STYXL1: variants seen among roughly 807,000 people sequenced by gnomAD.
The protein encoded by STYXL1 is serine/threonine/tyrosine-interacting-like protein 1.
STYXL1 carries 32 observed loss-of-function variants against 36.4 expected under a neutral mutation model. The observed-to-expected ratio is 0.88, with a 90% CI of 0.66 to 1.18. STYXL1 has a LOEUF of 1.18. STYXL1 is among the 50% of genes most tolerant of loss of function. The probability of loss-of-function intolerance (pLI) is 0.00; values close to 1 mark genes in which losing one functional copy is unlikely to be tolerated. For synonymous variants in STYXL1, 133 were observed against 144.1 expected (o/e 0.92, Z 0.55); for missense variants, 354 against 394.1 (o/e 0.90, Z 0.86).
intron 4 of STYXL1, among the ~76,000 whole-genome samples, chr7:76,016,091 T>C (rs1793271064): frequency 6.6e-6 from 1 of 152,110 alleles, no homozygotes; most frequent in Admixed American, 6.6e-5. Context: ...TAGATACACA[T>C]GTATCTACAT....
chr7:76,047,136 C>T (rs1797230726), intron 1 of STYXL1, among the ~76,000 whole-genome samples: 1 of 151,890 alleles, frequency 6.6e-6, no homozygotes, highest in South Asian at 2.1e-4. Context: ...TGTAGTGGTG[C>T]GCTAATCCCA....
chr7:76,009,656 G>GC (rs1419626703), intron 5 of STYXL1, among the ~76,000 whole-genome samples: 8 of 152,160 alleles, frequency 5.3e-5, no homozygotes, highest in Non-Finnish European at 1.2e-4. Flanking sequence ...TGATCCGCCC[G>GC]CCTTGGCCTC....
chr7:76,046,831 A>G (rs1797169237), intron 1 of STYXL1, among the ~76,000 whole-genome samples: 1 of 150,502 alleles, frequency 6.6e-6, no homozygotes, highest in Non-Finnish European at 1.5e-5. Context: ...TTGTATTTTT[A>G]GTAGAGATGG....
chr7:76,022,684 A>T (rs1424978936), intron 3 of STYXL1, among the ~76,000 whole-genome samples: 2 of 152,094 alleles, frequency 1.3e-5, no homozygotes, highest in Admixed American at 6.6e-5. Context: ...ACAACAAGAC[A>T]AAAAACACCC....
intron 4 of STYXL1, among the ~76,000 whole-genome samples, chr7:76,018,143 A>G (rs1445830190): frequency 1.3e-5 from 2 of 151,992 alleles, no homozygotes; most frequent in Non-Finnish European, 2.9e-5. Context: ...CTGGGACTAC[A>G]GGTGTGAGCG....
At chr7:76,031,496 C>T (rs1795334605) in intron 1 of STYXL1, among the ~76,000 whole-genome samples, 1 of 151,872 alleles carries the variant, frequency 6.6e-6, no homozygotes, top group African/African-American at 2.4e-5. Flanking sequence ...AGGTGGATCA[C>T]CTGAGGTCAG....
In STYXL1 at chr7:76,029,971, G is replaced by GTTCCTAACA. The variant is rs1795142277; in HGVS notation, c.103+449_103+450insTGTTAGGAA. On this transcript the variant is annotated intron_variant, in intron 2 of 8. Coordinates refer to ENST00000359697, the MANE Select transcript of STYXL1 (RefSeq NM_001317785.2). ...CCTAACAGACCACAGACTGGTACTG[G>GTTCCTAACA]GGGTTGGGGGTTGCGGACTTCTTTT... 5.3e-5 allele frequency among the ~76,000 whole-genome samples: 8 copies of GTTCCTAACA among 152,094 alleles called. No individual in the cohort carries two copies. In the South Asian group the frequency reaches 1.7e-3, roughly 32 times the overall value.
chr7:76,042,916 C>T (rs767112821), intron 1 of STYXL1, among the ~76,000 whole-genome samples: 53 of 152,156 alleles, frequency 3.5e-4, no homozygotes, highest in Non-Finnish European at 3.4e-4. Context: ...CCCTCTGAAG[C>T]TTGTGCAGGC....
At chr7:76,021,080 A>AT (rs200072611) in intron 4 of STYXL1, among the ~76,000 whole-genome samples, 28,531 of 144,792 alleles carry the variant, frequency 0.2, 3,006 homozygotes, top group East Asian at 0.3. Context: ...TGTTACAAGA[A>AT]TTTTTTTTTT....
At chr7:75,997,945 G>A (rs1554564635) in intron 8 of STYXL1, among the ~76,000 whole-genome samples, 1 of 152,088 alleles carries the variant, frequency 6.6e-6, no homozygotes, top group African/African-American at 2.4e-5. Flanking sequence ...GAAATTAAAG[G>A]TACAAACAAA....
intron 3 of STYXL1, among the ~76,000 whole-genome samples, chr7:76,022,356 GAGATTGAATCCAGAAATACC>G (rs1314693735): frequency 6.6e-6 from 1 of 152,124 alleles, no homozygotes; most frequent in African/African-American, 2.4e-5. Flanking sequence ...TTTGGCAGTG[GAGATTGAATCCAGAAATACC>G]AGACTGGATG....
At chr7:75,996,889 A>G (rs886091465) in intron 8 of STYXL1, among the ~76,000 whole-genome samples, 1 of 152,266 alleles carries the variant, frequency 6.6e-6, no homozygotes, top group Non-Finnish European at 1.5e-5. Flanking sequence ...CCACCTGTGG[A>G]TGGCAAACAC....
intron 3 of STYXL1, among the ~76,000 whole-genome samples, chr7:76,024,948 C>CAAAAAAAAAAA (rs56728505): frequency 1.4e-5 from 1 of 72,418 alleles, no homozygotes; most frequent in East Asian, 4.0e-4. Context: ...GACTCTGTCT[C>CAAAAAAAAAAA]AAAAAAAAAA....
Position 76,047,750 on chromosome 7 carries a change from C to A in STYXL1, c.-93G>T. The A allele has an allele frequency of 3.0e-6, 1 of 334,790 alleles. No individual in the cohort carries two copies. The highest frequency in any genetic ancestry group is 5.2e-6 in the Non-Finnish European group (1 of 192,006). 20.7% of individuals were successfully genotyped at this position (334,790 alleles called of 1,614,324 possible). ...GGGGGCTCGGGTCTGGGACGCGCTC[C>A]ACCTCCCCGGCTGCGCGACTATGGC... On this transcript the variant is annotated 5_prime_UTR_variant, in exon 1 of 9. Transcript: ENST00000359697.
chr7:76,046,343 C>CGA (rs1797065596), intron 1 of STYXL1, among the ~76,000 whole-genome samples: 1 of 36,938 alleles, frequency 2.7e-5, no homozygotes, highest in African/African-American at 1.1e-4. Context: ...TGTGTGTGCG[C>CGA]GCGCGCGCGC....
intron 6 of STYXL1, among the ~76,000 whole-genome samples, chr7:76,004,979 T>C (rs1275621504): frequency 2.0e-5 from 3 of 152,030 alleles, no homozygotes; most frequent in Non-Finnish European, 4.4e-5. Flanking sequence ...CCAGTCTGGG[T>C]GACAGAGTGA....
intron 1 of STYXL1, among the ~76,000 whole-genome samples, chr7:76,046,849 C>T (rs1427987484): frequency 6.6e-6 from 1 of 151,296 alleles, no homozygotes; most frequent in African/African-American, 2.4e-5. Flanking sequence ...TGGGGTTTCA[C>T]CATGTTAGCC....
intron 5 of STYXL1, among the ~76,000 whole-genome samples, chr7:76,012,955 C>G (rs1291653524): frequency 6.6e-6 from 1 of 152,176 alleles, no homozygotes; most frequent in South Asian, 2.1e-4. Context: ...ACCTTGGTAT[C>G]GGTCCACCAT....
intron 2 of STYXL1, among the ~76,000 whole-genome samples, chr7:76,029,401 C>T (rs964080077): frequency 6.6e-6 from 1 of 152,056 alleles, no homozygotes; most frequent in East Asian, 1.9e-4. Flanking sequence ...CCCACCTCGG[C>T]CTCCCAAAAC....
Sources: gnomAD v4.1 joint callset for allele counts (sites outside exome capture counted in the v4.1 genomes callset) on GRCh38, gnomAD v4.1.1 for gene constraint, MANE v1.5 for transcripts, NCBI Gene and HGNC (gene_info 2026-07-23, HGNC 2026-07-21) for gene names.